Variants in COMMD10 observed in about 807,000 individuals in gnomAD.
The protein encoded by COMMD10 is COMM domain-containing protein 10.
In COMMD10, 33 loss-of-function variants were observed where a neutral mutation model predicts 28.9. That is an observed-to-expected ratio of 1.14 (90% CI 0.87 to 1.53). COMMD10 has a LOEUF of 1.53. Among genes scored for constraint, COMMD10 ranks in the 40% most tolerant of loss-of-function variants. The pLI is 0.00. For synonymous variants in COMMD10, 110 were observed against 81.7 expected (o/e 1.35, Z -1.87); for missense variants, 310 against 233.4 (o/e 1.33, Z -2.14).
chr5:116,201,558 G>A (rs1580544002), intron 5 of COMMD10, among the ~76,000 whole-genome samples: 1 of 152,124 alleles, frequency 6.6e-6, no homozygotes, highest in African/African-American at 2.4e-5. Flanking sequence ...GGGGGCAATG[G>A]TTTACCCTAT....
intron 5 of COMMD10, among the ~76,000 whole-genome samples, chr5:116,213,304 T>C (rs1251521420): frequency 6.6e-6 from 1 of 152,160 alleles, no homozygotes. Flanking sequence ...TAGGCTCCCT[T>C]GCTAGTTGAG....
At chr5:116,222,259 C>T (rs74646895) in intron 5 of COMMD10, among the ~76,000 whole-genome samples, 4,399 of 152,240 alleles carry the variant, frequency 0.029, 107 homozygotes, top group East Asian at 0.14. Context: ...AATAGTAAGG[C>T]AGTCTGTATG....
At chr5:116,169,900 C>G (rs1459159580) in intron 5 of COMMD10, among the ~76,000 whole-genome samples, 1 of 152,090 alleles carries the variant, frequency 6.6e-6, no homozygotes, top group Non-Finnish European at 1.5e-5. Context: ...TGGGCAAAAG[C>G]TGGAAGTATT....
In COMMD10 at chr5:116,252,374, T is replaced by G. The variant is rs199996084; in HGVS notation, c.511-39143T>G. On this transcript the variant is annotated intron_variant, in intron 5 of 6. Coordinates refer to ENST00000274458, the MANE Select transcript of COMMD10 (RefSeq NM_016144.4). ...GTGTTTTAGACATGAAGTCCTTGCC[T>G]GTGCCTATGTCCTGAATGGTATTGC... 4.0e-3 allele frequency among the ~76,000 whole-genome samples: 549 copies of G among 135,570 alleles called. 18 individuals are homozygous for G. Among genetic ancestry groups the G allele is most frequent in the African/African-American group, 0.014 (488 of 34,768 alleles). 88.9% of individuals were successfully genotyped at this position (135,570 alleles called of 152,430 possible). A position where few individuals can be genotyped will look rare whatever the true frequency, so the allele number is the denominator to read the frequency against.
intron 2 of COMMD10, among the ~76,000 whole-genome samples, chr5:116,089,699 G>A (rs6896147): frequency 0.74 from 113,188 of 152,106 alleles, 42,475 homozygotes; most frequent in Non-Finnish European, 0.8. Flanking sequence ...GTGGAGAGGA[G>A]AAGAGGTGCT....
At chr5:116,281,337 T>C (rs1283903008) in intron 5 of COMMD10, among the ~76,000 whole-genome samples, 1 of 151,762 alleles carries the variant, frequency 6.6e-6, no homozygotes, top group African/African-American at 2.4e-5. Flanking sequence ...ATTTTGCTAA[T>C]GGGTATGTGC....
chr5:116,141,429 T>C (rs973979198), intron 5 of COMMD10, among the ~76,000 whole-genome samples: 1 of 151,926 alleles, frequency 6.6e-6, no homozygotes, highest in Non-Finnish European at 1.5e-5. Context: ...GAATTTTTTT[T>C]CTCTATTTCT....
intron 5 of COMMD10, among the ~76,000 whole-genome samples, chr5:116,211,380 T>C (rs1404857336): frequency 6.6e-6 from 1 of 152,164 alleles, no homozygotes; most frequent in Non-Finnish European, 1.5e-5. Context: ...GTTACTGTGC[T>C]GAATACTATA....
In COMMD10 at chr5:116,192,934, A is replaced by G. The variant is rs116631668; in HGVS notation, c.510+58756A>G. Among the ~76,000 whole-genome samples the G allele has an allele frequency of 4.2e-3, 643 of 152,294 alleles. 4 individuals are homozygous for G. Among genetic ancestry groups the G allele is most frequent in the African/African-American group, 0.014 (600 of 41,570 alleles). On this transcript the variant is annotated intron_variant, in intron 5 of 6. Coordinates refer to ENST00000274458, the MANE Select transcript of COMMD10 (RefSeq NM_016144.4). ...AGAAGCACCAGGTAACTAACTTATA[A>G]AGGAAAGCCTATTGGATTAACAGCA...
At chr5:116,087,211 A>C (rs905774785) in intron 1 of COMMD10, among the ~76,000 whole-genome samples, 1 of 152,212 alleles carries the variant, frequency 6.6e-6, no homozygotes, top group African/African-American at 2.4e-5. Flanking sequence ...CTACTAAATT[A>C]AGGCTCTTCC....
At chr5:116,230,658 G>C (rs936539248) in intron 5 of COMMD10, among the ~76,000 whole-genome samples, 1 of 151,942 alleles carries the variant, frequency 6.6e-6, no homozygotes, top group African/African-American at 2.4e-5. Flanking sequence ...TAGACAAGTT[G>C]TTTTAAAAAA....
intron 5 of COMMD10, among the ~76,000 whole-genome samples, chr5:116,153,237 G>C (rs2112555602): frequency 6.6e-6 from 1 of 152,076 alleles, no homozygotes; most frequent in East Asian, 1.9e-4. Flanking sequence ...CTAATTAATA[G>C]TCGTTCCTGA....
At chr5:116,259,062 ATTTTTT>A (rs36082006) in intron 5 of COMMD10, among the ~76,000 whole-genome samples, 20 of 123,622 alleles carry the variant, frequency 1.6e-4, no homozygotes, top group African/African-American at 5.5e-4. Flanking sequence ...ACGTCCTTTA[ATTTTTT>A]TTTTTTTTTT....
intron 5 of COMMD10, among the ~76,000 whole-genome samples, chr5:116,148,002 T>A (rs1174756345): frequency 6.6e-6 from 1 of 151,854 alleles, no homozygotes; most frequent in Non-Finnish European, 1.5e-5. Context: ...TACATAGGAT[T>A]CTGTTGTTTG....
At chr5:116,205,334 G>A (rs1009804537) in intron 5 of COMMD10, among the ~76,000 whole-genome samples, 3 of 151,876 alleles carry the variant, frequency 2.0e-5, no homozygotes, top group Non-Finnish European at 2.9e-5. Flanking sequence ...TTTAGTTGTT[G>A]GAAGAGAAAA....
intron 4 of COMMD10, among the ~76,000 whole-genome samples, chr5:116,095,847 T>G (rs775453791): frequency 9.9e-5 from 15 of 152,140 alleles, no homozygotes; most frequent in Non-Finnish European, 1.5e-4. Context: ...GGATGTTCAT[T>G]TGCTCCAATG....
chr5:116,195,614 G>T (rs143492227), intron 5 of COMMD10, among the ~76,000 whole-genome samples: 2 of 152,058 alleles, frequency 1.3e-5, no homozygotes, highest in Non-Finnish European at 2.9e-5. Context: ...AGGAGTCAAA[G>T]ACCTCTACAA....
chr5:116,244,738 G>C (rs1200388071), intron 5 of COMMD10, among the ~76,000 whole-genome samples: 5 of 147,778 alleles, frequency 3.4e-5, no homozygotes, highest in Non-Finnish European at 7.4e-5. Context: ...TTTTTAGGTA[G>C]ACAATGAAAT....
At chr5:116,092,066 G>A (rs538757128) in intron 3 of COMMD10, among the ~76,000 whole-genome samples, 36 of 152,248 alleles carry the variant, frequency 2.4e-4, no homozygotes, top group Admixed American at 9.8e-4. Flanking sequence ...GTAAGAAACA[G>A]AACAGGTATC....
Sources: allele counts gnomAD v4.1 joint callset (sites outside exome capture counted in the v4.1 genomes callset), GRCh38; gene constraint gnomAD v4.1.1; transcripts MANE v1.5; gene names NCBI Gene and HGNC (gene_info 2026-07-23, HGNC 2026-07-21).